Variants in MAN2A1 observed in about 807,000 individuals in gnomAD.
The protein encoded by MAN2A1 is alpha-mannosidase 2.
MAN2A1 carries 76 observed loss-of-function variants against 142.6 expected under a neutral mutation model. The ratio of observed to expected loss-of-function variants is 0.53; its 90% CI spans 0.44 to 0.65. The LOEUF is 0.65. MAN2A1 is among the 30% of genes least tolerant of loss of function. MAN2A1 has a pLI of 0.00. For missense variants in MAN2A1, 1,311 were observed against 1,365.1 expected (o/e 0.96, Z 0.62); for synonymous variants, 559 against 473.2 (o/e 1.18, Z -2.35).
At chr5:109,763,888 G>A (rs1001279983) in intron 5 of MAN2A1, among the ~76,000 whole-genome samples, 3 of 150,388 alleles carry the variant, frequency 2.0e-5, no homozygotes, top group Non-Finnish European at 4.4e-5. Context: ...TGCAACCTCC[G>A]CCTGCTGGGT....
chr5:109,696,279 T>G (rs1750809060), intron 1 of MAN2A1, among the ~76,000 whole-genome samples: 1 of 152,106 alleles, frequency 6.6e-6, no homozygotes, highest in Admixed American at 6.5e-5. Context: ...TTTTGTATTT[T>G]TAGTAGAGAC....
At chr5:109,815,620 A>G (rs758895462) in intron 12 of MAN2A1, among the ~76,000 whole-genome samples, 49 of 152,166 alleles carry the variant, frequency 3.2e-4, no homozygotes, top group Non-Finnish European at 6.3e-4. Flanking sequence ...GTCTAGTGTC[A>G]TGGATTTTGT....
At chr5:109,757,728 G>A (rs185228291) in intron 5 of MAN2A1, among the ~76,000 whole-genome samples, 21 of 152,134 alleles carry the variant, frequency 1.4e-4, no homozygotes, top group Non-Finnish European at 2.2e-4. Flanking sequence ...CCCAGTCTCA[G>A]GCTATCACTA....
chr5:109,729,258 T>A (rs1751831719), intron 3 of MAN2A1, 84 bp from the exon 4 acceptor site: 1 of 821,280 alleles, frequency 1.2e-6, no homozygotes, highest in East Asian at 2.9e-5. Context: ...TCTAACGATG[T>A]CCAAAGTAAT....
intron 19 of MAN2A1, among the ~76,000 whole-genome samples, chr5:109,851,205 C>T (rs1364287332): frequency 6.6e-6 from 1 of 152,216 alleles, no homozygotes; most frequent in Non-Finnish European, 1.5e-5. Flanking sequence ...ATGATATCCA[C>T]TGTGTAATAT....
Position 109,784,876 on chromosome 5 carries a change from TG to T in MAN2A1, c.1711del (p.Ala571LeufsTer22). The T allele has an allele frequency of 6.2e-7, 1 of 1,612,374 alleles. No individual in the cohort carries two copies. The highest frequency in any genetic ancestry group is 8.5e-7 in the Non-Finnish European group (1 of 1,179,270). ...ATTTGGGACTGTTTCAACATCATGA[TG>T]CTATCACAGGAACTGCAAAAGACTG... ...RNLGLFQHHD[A>X]ITGTAKDWVV... On this transcript the variant is annotated frameshift_variant, in exon 10 of 22. Transcript: ENST00000261483. LOFTEE classifies it high-confidence loss of function.
At chr5:109,690,695 G>A in intron 1 of MAN2A1, 143 bp downstream of exon 1, 1 of 933,126 alleles carries the variant, frequency 1.1e-6, no homozygotes, top group Non-Finnish European at 1.6e-6. Flanking sequence ...CTCTCGGACG[G>A]CAATGATCAC....
chr5:109,765,269 G>A (rs545578832), intron 5 of MAN2A1, among the ~76,000 whole-genome samples: 11 of 151,714 alleles, frequency 7.3e-5, no homozygotes, highest in Non-Finnish European at 1.2e-4. Context: ...CTTTTTTTGG[G>A]GATTTCTTGA....
intron 12 of MAN2A1, among the ~76,000 whole-genome samples, chr5:109,802,460 A>G (rs1754056478): frequency 6.6e-6 from 1 of 152,102 alleles, no homozygotes; most frequent in African/African-American, 2.4e-5. Context: ...CAGTTTAGAG[A>G]TTGTAGTTCT....
rs1753108432 is a variant in MAN2A1 at position 109,770,276 on chromosome 5, T to G, written c.1010-79T>G. ...AGAGCTAAATCAGCATTACTTTGTG[T>G]AAAGTAATGACATTTTGAATATTTT... On this transcript the variant is annotated intron_variant, in intron 6 of 21. Transcript: ENST00000261483. 3 of 1,296,694 alleles carry G rather than the reference T, an allele frequency of 2.3e-6. No homozygotes were observed. In the South Asian group the frequency reaches 4.0e-5, roughly 17 times the overall value. 80.3% of individuals were successfully genotyped at this position (1,296,694 alleles called of 1,614,324 possible).
At chr5:109,831,852 A>C (rs1754915467) in intron 16 of MAN2A1, among the ~76,000 whole-genome samples, 1 of 151,742 alleles carries the variant, frequency 6.6e-6, no homozygotes, top group African/African-American at 2.4e-5. Flanking sequence ...TACAGTTTTA[A>C]AAGTCTGTTA....
At chr5:109,755,286 T>C in intron 4 of MAN2A1, 43 bp from the exon 5 acceptor site, 1 of 1,500,060 alleles carries the variant, frequency 6.7e-7, no homozygotes, top group Non-Finnish European at 9.2e-7. Context: ...TTTGAACTTT[T>C]CTTAACATTT....
chr5:109,722,769 G>T (rs986709045), intron 3 of MAN2A1, among the ~76,000 whole-genome samples: 1 of 152,128 alleles, frequency 6.6e-6, no homozygotes, highest in Non-Finnish European at 1.5e-5. Context: ...AATTTGCCCA[G>T]TATTTGTCTA....
chr5:109,856,856 G>A (rs1156505943), intron 20 of MAN2A1, among the ~76,000 whole-genome samples: 1 of 152,028 alleles, frequency 6.6e-6, no homozygotes, highest in Non-Finnish European at 1.5e-5. Flanking sequence ...CCCACTACAT[G>A]TCAGTTACTG....
chr5:109,739,562 A>G (rs578184009), intron 4 of MAN2A1, among the ~76,000 whole-genome samples: 3 of 152,180 alleles, frequency 2.0e-5, no homozygotes, highest in East Asian at 3.9e-4. Flanking sequence ...ATTTGGTTCT[A>G]ACTTTACTTC....
intron 4 of MAN2A1, among the ~76,000 whole-genome samples, chr5:109,734,147 C>T (rs973314475): frequency 1.2e-4 from 18 of 151,632 alleles, no homozygotes; most frequent in Non-Finnish European, 2.1e-4. Flanking sequence ...AGTTTATTTG[C>T]GTAGAGGTGT....
chr5:109,711,448 C>CTG (rs34398256), intron 1 of MAN2A1, among the ~76,000 whole-genome samples: 110,806 of 151,976 alleles, frequency 0.73, 41,291 homozygotes, highest in East Asian at 0.94. Flanking sequence ...GATTCATCAA[C>CTG]TGTACCTGAC....
rs939118844 is a variant in MAN2A1, at chr5:109,733,757, G to A, written c.707+4244G>A. Among the ~76,000 whole-genome samples, 9 of 152,206 alleles carry A rather than the reference G, an allele frequency of 5.9e-5. No homozygotes were observed. In the East Asian group the frequency reaches 7.7e-4, roughly 13 times the overall value. ...AGCTTTTTGATGTGCTGCTTGATTC[G>A]GTTTGCCAGTATTTTATTGAGGATT... On this transcript the variant is annotated intron_variant, in intron 4 of 21. Transcript: ENST00000261483.
intron 1 of MAN2A1, among the ~76,000 whole-genome samples, chr5:109,697,800 A>T (rs143659458): frequency 1.9e-3 from 282 of 152,356 alleles, no homozygotes; most frequent in African/African-American, 6.5e-3. Flanking sequence ...CTGTTAAAGT[A>T]GATGTGAGTT....
Sources: gnomAD v4.1 joint callset for allele counts (sites outside exome capture counted in the v4.1 genomes callset) on GRCh38, gnomAD v4.1.1 for gene constraint, MANE v1.5 for transcripts, NCBI Gene and HGNC (gene_info 2026-07-23, HGNC 2026-07-21) for gene names.